The following BMP2K variants were observed in gnomAD, a reference collection of about 807,000 sequenced individuals.
BMP2K encodes the protein BMP-2-inducible protein kinase.
BMP2K carries 74 observed loss-of-function variants against 116.0 expected under a neutral mutation model. The observed-to-expected ratio is 0.64, with a 90% confidence interval of 0.53 to 0.77. The LOEUF is 0.77. BMP2K is among the 30% of genes least tolerant of loss of function. The pLI is 0.00. For synonymous variants in BMP2K, 486 were observed against 502.5 expected (o/e 0.97, Z 0.44); for missense variants, 1,365 against 1,403.6 (o/e 0.97, Z 0.44).
rs1160426845 is a variant in BMP2K at position 78,852,612 on chromosome 4, G to A, written c.883+1556G>A. Among the ~76,000 whole-genome samples the A allele has an allele frequency of 3.3e-5, 5 of 151,374 alleles. No individual in the cohort carries two copies. The East Asian group carries it at 9.7e-4, about 29-fold the overall frequency. ...CTTTGCAATTTTTTTCTTTTTCTTT[G>A]TCTTCTTCAAGAGACAAGGTCTCAT... On this transcript the variant is annotated intron_variant, in intron 7 of 15. Coordinates refer to ENST00000502613, the MANE Select transcript of BMP2K (RefSeq NM_198892.2).
At chr4:78,867,974 C>T (rs1308172959) in intron 10 of BMP2K, among the ~76,000 whole-genome samples, 2 of 152,204 alleles carry the variant, frequency 1.3e-5, no homozygotes, top group Non-Finnish European at 2.9e-5. Flanking sequence ...GCACAAGAGT[C>T]ACTTGAACCC....
At chr4:78,833,433 C>T in intron 2 of BMP2K, 149 bp from the exon 3 acceptor site, 3 of 474,028 alleles carry the variant, frequency 6.3e-6, no homozygotes, top group Non-Finnish European at 7.2e-6. Context: ...CCATAGAAGC[C>T]TTTGCTTGCT....
At chr4:78,867,802 G>A (rs1732129700) in intron 10 of BMP2K, among the ~76,000 whole-genome samples, 1 of 152,182 alleles carries the variant, frequency 6.6e-6, no homozygotes, top group Non-Finnish European at 1.5e-5. Flanking sequence ...CTCACTGCCT[G>A]TAATCCCAAC....
intron 1 of BMP2K, among the ~76,000 whole-genome samples, chr4:78,811,639 A>C (rs1332820138): frequency 6.6e-6 from 1 of 152,224 alleles, no homozygotes. Context: ...TAATAAGCTT[A>C]ATCTTTTAGC....
chr4:78,872,527 A>T, intron 12 of BMP2K, 87 bp from the exon 13 acceptor site: 1 of 1,213,046 alleles, frequency 8.2e-7, no homozygotes, highest in South Asian at 2.0e-5. Flanking sequence ...CACCAATGTG[A>T]AAGGAAGGAA....
At chr4:78,860,762 T>C (rs987059608) in intron 8 of BMP2K, among the ~76,000 whole-genome samples, 1 of 147,132 alleles carries the variant, frequency 6.8e-6, no homozygotes, top group Admixed American at 6.9e-5. Flanking sequence ...AGGAATGTGG[T>C]ACCTTTCCTT....
chr4:78,886,672 CGA>C (rs920097583), intron 14 of BMP2K, among the ~76,000 whole-genome samples: 16 of 150,034 alleles, frequency 1.1e-4, no homozygotes, highest in African/African-American at 2.2e-4. Context: ...TGTGTGTGTG[CGA>C]GAGAGAGAAT....
Position 78,910,719 on chromosome 4 carries a change from A to G in BMP2K, c.2172A>G (p.Gly724=), listed in dbSNP as rs933790877. 2.5e-6 allele frequency: 4 copies of G among 1,613,548 alleles called. No homozygotes were observed. The highest frequency in any genetic ancestry group is 3.4e-6 in the Non-Finnish European group (4 of 1,179,790). Residue 724 remains glycine (G), a synonymous_variant, in exon 16 of 16, where the codon GGA becomes GGG. Transcript: ENST00000502613. ...TSPASKDQRT[G]KKTSVQGQVQ... The stretch of plus-strand genomic sequence containing the variant: ...CAGCATCTAAAGATCAGCGGACTGG[A>G]AAGAAAACCTCAGTACAGGGTCAAG...
chr4:78,816,113 T>C (rs1729337278), intron 1 of BMP2K, among the ~76,000 whole-genome samples: 1 of 152,168 alleles, frequency 6.6e-6, no homozygotes, highest in Non-Finnish European at 1.5e-5. Context: ...TTTGTCTGAT[T>C]TCTTCTTTCT....
At chr4:78,833,982 A>C (rs563392417) in intron 3 of BMP2K, among the ~76,000 whole-genome samples, 6 of 152,310 alleles carry the variant, frequency 3.9e-5, no homozygotes, top group African/African-American at 1.4e-4. Context: ...TTCTTCTGTA[A>C]TCCAACCAAG....
chr4:78,906,593 T>TA (rs1436890148), intron 15 of BMP2K, among the ~76,000 whole-genome samples: 1 of 152,156 alleles, frequency 6.6e-6, no homozygotes, highest in Non-Finnish European at 1.5e-5. Flanking sequence ...GCTGTGTGGA[T>TA]ATACATTTGT....
At chr4:78,846,958 G>A (rs1323435981) in intron 5 of BMP2K, among the ~76,000 whole-genome samples, 1 of 151,334 alleles carries the variant, frequency 6.6e-6, no homozygotes, top group Non-Finnish European at 1.5e-5. Flanking sequence ...TAAGCTTTTA[G>A]ATTATTAGAA....
chr4:78,910,483 T>C, intron 15 of BMP2K, 127 bp from the exon 16 acceptor site: 1 of 787,228 alleles, frequency 1.3e-6, no homozygotes, highest in East Asian at 2.9e-5. Context: ...TTGACAACAT[T>C]ATTTTTTCCT....
At chr4:78,850,833 A>G (rs1447976903) in intron 6 of BMP2K, 91 bp from the exon 7 acceptor site, 8 of 1,385,578 alleles carry the variant, frequency 5.8e-6, no homozygotes, top group Middle Eastern at 2.4e-4. Context: ...GTATAGAAAC[A>G]TGACTTTTTT....
intron 1 of BMP2K, among the ~76,000 whole-genome samples, chr4:78,789,306 A>G (rs896049643): frequency 1.3e-5 from 2 of 152,156 alleles, no homozygotes; most frequent in Non-Finnish European, 2.9e-5. Context: ...CACTTTTTCT[A>G]GTAGTTATGG....
intron 1 of BMP2K, among the ~76,000 whole-genome samples, chr4:78,809,046 G>A (rs1053271440): frequency 6.6e-6 from 1 of 152,198 alleles, no homozygotes; most frequent in Non-Finnish European, 1.5e-5. Context: ...TGAAAGAGGA[G>A]TATTGAATTC....
At chr4:78,866,648 T>A (rs551967014) in intron 10 of BMP2K, among the ~76,000 whole-genome samples, 92 of 152,264 alleles carry the variant, frequency 6.0e-4, no homozygotes, top group South Asian at 1.9e-3. Context: ...TGTTTTTATT[T>A]TTTATTTATT....
Position 78,911,334 on chromosome 4 carries a change from A to G in BMP2K, c.2787A>G (p.Val929=), listed in dbSNP as rs574665641. 1.8e-4 allele frequency: 290 copies of G among 1,613,960 alleles called. 4 individuals are homozygous for G. The South Asian group carries it at 2.9e-3, about 16-fold the overall frequency. The change falls in exon 16 of 16, where the codon GTA becomes GTG. Residue 929 remains valine, a synonymous_variant. Transcript: ENST00000502613. ...AHTIPGYPKS[V]DVFGSTPFQP... ...CTATCCCTGGTTATCCCAAAAGTGT[A>G]GATGTATTTGGCTCCACTCCATTTC...
intron 7 of BMP2K, among the ~76,000 whole-genome samples, chr4:78,857,762 G>A (rs1731572658): frequency 6.6e-6 from 1 of 152,044 alleles, no homozygotes; most frequent in Non-Finnish European, 1.5e-5. Context: ...AAGACTCAAC[G>A]GAGAATTTGC....
Sources: gnomAD v4.1 joint callset for allele counts (sites outside exome capture counted in the v4.1 genomes callset) on GRCh38, gnomAD v4.1.1 for gene constraint, MANE v1.5 for transcripts, NCBI Gene and HGNC (gene_info 2026-07-23, HGNC 2026-07-21) for gene names.